NFIB: variants seen among roughly 807,000 people sequenced by gnomAD.
The protein encoded by NFIB is nuclear factor I B.
Under a neutral mutation model 61.5 loss-of-function variants are expected in NFIB, and 11 were observed. The ratio of observed to expected loss-of-function variants is 0.18; its 90% CI spans 0.11 to 0.30. The LOEUF is 0.30. NFIB is among the 10% of genes least tolerant of loss of function. The pLI, the probability that NFIB is intolerant of heterozygous loss-of-function variation, is 1.00. For synonymous variants in NFIB, 260 were observed against 216.5 expected, an observed-to-expected ratio of 1.20 and a Z score of -1.76; for missense variants, 471 against 608.9, an observed-to-expected ratio of 0.77 and a Z score of 2.38.
the NFIB span, among the ~76,000 whole-genome samples, chr9:14,495,934 A>T: frequency 2.0e-5 from 3 of 152,160 alleles, no homozygotes; most frequent in African/African-American, 7.2e-5. Flanking sequence ...ACATCTTCCA[A>T]TTACTTAGTA....
the NFIB span, among the ~76,000 whole-genome samples, chr9:14,515,147 G>T: frequency 6.6e-6 from 1 of 151,974 alleles, no homozygotes; most frequent in Non-Finnish European, 1.5e-5. Flanking sequence ...TGGAGACCTA[G>T]CCAGAAGGAT....
Position 14,181,122 on chromosome 9 carries a change from C to T in NFIB, c.563-1342G>A, listed in dbSNP as rs114643702. ...CTGCTTCTACTATTAAATGCAAGAA[C>T]ATCCTGTTAGTTTCTTCTCATATAA... On this transcript the variant is annotated intron_variant, in intron 2 of 10. Coordinates refer to ENST00000380953, the MANE Select transcript of NFIB (RefSeq NM_001190737.2). 9.1e-3 allele frequency among the ~76,000 whole-genome samples: 1,387 copies of T among 152,268 alleles called. 29 individuals are homozygous for T. The highest frequency in any genetic ancestry group is 0.031 in the African/African-American group (1,307 of 41,548).
the NFIB span, among the ~76,000 whole-genome samples, chr9:14,487,048 C>T: frequency 6.6e-6 from 1 of 152,042 alleles, no homozygotes; most frequent in African/African-American, 2.4e-5. Context: ...ACTCTCTAAC[C>T]ATCAACATTT....
chr9:14,238,283 T>C (rs1331378671), intron 2 of NFIB, among the ~76,000 whole-genome samples: 1 of 151,968 alleles, frequency 6.6e-6, no homozygotes, highest in East Asian at 1.9e-4. Flanking sequence ...AGTGACTCAC[T>C]GGGGAGAGGG....
At chr9:14,293,738 A>C (rs2059248213) in intron 2 of NFIB, among the ~76,000 whole-genome samples, 1 of 152,206 alleles carries the variant, frequency 6.6e-6, no homozygotes, top group Admixed American at 6.5e-5. Flanking sequence ...ACAAGTTCAC[A>C]AGATATTAAC....
chr9:14,089,848 T>C (rs2033582655), intron 10 of NFIB, among the ~76,000 whole-genome samples: 1 of 152,176 alleles, frequency 6.6e-6, no homozygotes, highest in African/African-American at 2.4e-5. Context: ...ATACTGTTTT[T>C]ACTCTGGTGA....
intron 2 of NFIB, among the ~76,000 whole-genome samples, chr9:14,240,520 T>A (rs1306957526): frequency 6.6e-6 from 1 of 152,202 alleles, no homozygotes; most frequent in Non-Finnish European, 1.5e-5. Flanking sequence ...ACAAGACTGC[T>A]TCAAACTTTA....
chr9:14,113,155 A>G (rs1325098858), intron 9 of NFIB, 74 bp from the exon 10 acceptor site: 4 of 1,355,472 alleles, frequency 3.0e-6, no homozygotes, highest in South Asian at 1.5e-5. Context: ...ATGTATAAGA[A>G]ACCCAGAGAA....
chr9:14,417,242 G>A, the NFIB span, among the ~76,000 whole-genome samples: 2 of 152,098 alleles, frequency 1.3e-5, no homozygotes, highest in African/African-American at 4.8e-5. Context: ...GTCTAGATAT[G>A]TTTAGGTACA....
chr9:14,410,062 A>T, the NFIB span, among the ~76,000 whole-genome samples: 2 of 152,038 alleles, frequency 1.3e-5, no homozygotes, highest in Non-Finnish European at 2.9e-5. Flanking sequence ...ATAGGGGGTG[A>T]GGGGCAGGTT....
chr9:14,294,955 C>T (rs1212496733), intron 2 of NFIB, among the ~76,000 whole-genome samples: 2 of 152,148 alleles, frequency 1.3e-5, no homozygotes, highest in Non-Finnish European at 2.9e-5. Context: ...CCTCCAAGGA[C>T]CTCCATGGAC....
At chr9:14,172,196 G>C (rs1456517128) in intron 3 of NFIB, among the ~76,000 whole-genome samples, 2 of 152,224 alleles carry the variant, frequency 1.3e-5, no homozygotes, top group East Asian at 1.9e-4. Context: ...ATCAAGATGA[G>C]ACTTTGACAT....
At chr9:14,332,129 T>C (rs1318246051) in intron 1 of NFIB, among the ~76,000 whole-genome samples, 1 of 151,946 alleles carries the variant, frequency 6.6e-6, no homozygotes, top group Non-Finnish European at 1.5e-5. Flanking sequence ...AGTCAGGAGT[T>C]AGAGACCAGC....
At chr9:14,429,766 G>A in the NFIB span, among the ~76,000 whole-genome samples, 1 of 152,176 alleles carries the variant, frequency 6.6e-6, no homozygotes, top group African/African-American at 2.4e-5. Flanking sequence ...CTACCATGGG[G>A]CCTGCAGCAA....
chr9:14,519,986 C>G, the NFIB span, among the ~76,000 whole-genome samples: 32 of 151,812 alleles, frequency 2.1e-4, no homozygotes, highest in Non-Finnish European at 2.8e-4. Flanking sequence ...CCTTAGTTCT[C>G]TACGTTATAA....
intron 2 of NFIB, among the ~76,000 whole-genome samples, chr9:14,208,121 C>G (rs1342371102): frequency 6.6e-6 from 1 of 152,206 alleles, no homozygotes; most frequent in Non-Finnish European, 1.5e-5. Context: ...ATTTTAGAAT[C>G]ATCTTTCCAC....
chr9:14,528,337 T>C, the NFIB span, among the ~76,000 whole-genome samples: 2 of 152,200 alleles, frequency 1.3e-5, no homozygotes, highest in African/African-American at 2.4e-5. Context: ...TGGTTCACTG[T>C]TTTAACACAC....
intron 4 of NFIB, among the ~76,000 whole-genome samples, chr9:14,154,576 C>T (rs951717788): frequency 6.6e-6 from 1 of 152,090 alleles, no homozygotes; most frequent in Non-Finnish European, 1.5e-5. Context: ...CCTTGCCCAT[C>T]GAATACACAC....
chr9:14,330,365 T>C (rs2060806424), intron 1 of NFIB, among the ~76,000 whole-genome samples: 1 of 152,218 alleles, frequency 6.6e-6, no homozygotes, highest in African/African-American at 2.4e-5. Flanking sequence ...AGATTCCCTC[T>C]GTACAGAGAC....
Sources: allele counts gnomAD v4.1 joint callset (sites outside exome capture counted in the v4.1 genomes callset), GRCh38; gene constraint gnomAD v4.1.1; transcripts MANE v1.5; gene names NCBI Gene and HGNC (gene_info 2026-07-23, HGNC 2026-07-21).